The following ROBO1 variants were observed in gnomAD, a reference collection of about 807,000 sequenced individuals.
The protein encoded by ROBO1 is roundabout homolog 1.
A neutral mutation model predicts 195.9 loss-of-function variants in ROBO1; 149 were observed. That is an observed-to-expected ratio of 0.76 (90% CI 0.67 to 0.87). The LOEUF (loss-of-function observed/expected upper bound fraction) is 0.87. ROBO1 is among the 40% of genes least tolerant of loss of function. The probability of loss-of-function intolerance (pLI) is 0.00; values close to 1 mark genes in which losing one functional copy is unlikely to be tolerated. For synonymous variants in ROBO1, 816 were observed against 733.2 expected, an observed-to-expected ratio of 1.11 and a Z score of -1.82; for missense variants, 1,933 against 2,068.3, an observed-to-expected ratio of 0.93 and a Z score of 1.27.
chr3:78,995,168 T>C (rs950585074), intron 3 of ROBO1, among the ~76,000 whole-genome samples: 2 of 152,198 alleles, frequency 1.3e-5, no homozygotes, highest in Non-Finnish European at 2.9e-5. Context: ...GGGTAACTGA[T>C]GATATTCTTT....
At chr3:78,992,106 G>C (rs2077252092) in intron 3 of ROBO1, among the ~76,000 whole-genome samples, 1 of 152,124 alleles carries the variant, frequency 6.6e-6, no homozygotes, top group Admixed American at 6.6e-5. Flanking sequence ...GAATGCTCCA[G>C]GATAATAATT....
intron 3 of ROBO1, among the ~76,000 whole-genome samples, chr3:78,960,371 T>A (rs1380066681): frequency 2.0e-5 from 3 of 149,406 alleles, no homozygotes; most frequent in Non-Finnish European, 3.0e-5. Context: ...TATTAATATA[T>A]TATATAGCAA....
At chr3:78,704,733 T>C (rs561815272) in intron 8 of ROBO1, among the ~76,000 whole-genome samples, 2 of 150,610 alleles carry the variant, frequency 1.3e-5, no homozygotes, top group East Asian at 3.9e-4. Context: ...GTAGAGCTAC[T>C]TGGGAGGCTG....
At chr3:79,687,144 T>C (rs1009113814) in intron 1 of ROBO1, among the ~76,000 whole-genome samples, 3 of 152,174 alleles carry the variant, frequency 2.0e-5, no homozygotes, top group African/African-American at 4.8e-5. Flanking sequence ...TAAATGGTGC[T>C]GGGAAAACTG....
chr3:79,420,764 G>A (rs1387743085), intron 2 of ROBO1, among the ~76,000 whole-genome samples: 2 of 152,128 alleles, frequency 1.3e-5, no homozygotes, highest in Non-Finnish European at 2.9e-5. Context: ...AGAGAAAAGG[G>A]AATGCTTAGT....
At chr3:79,614,174 C>T (rs1944749885) in intron 1 of ROBO1, among the ~76,000 whole-genome samples, 1 of 152,050 alleles carries the variant, frequency 6.6e-6, no homozygotes, top group Non-Finnish European at 1.5e-5. Context: ...ATAGAACACT[C>T]TAGCAAACAG....
At chr3:78,614,298 T>C (rs1221730696) in intron 28 of ROBO1, among the ~76,000 whole-genome samples, 1 of 152,230 alleles carries the variant, frequency 6.6e-6, no homozygotes. Flanking sequence ...GAAGACACTT[T>C]GGAGGATTTA....
At chr3:78,908,503 A>T (rs1375180375) in intron 4 of ROBO1, among the ~76,000 whole-genome samples, 1 of 151,940 alleles carries the variant, frequency 6.6e-6, no homozygotes, top group Non-Finnish European at 1.5e-5. Flanking sequence ...TTTAAAATGA[A>T]TATATTAAAA....
intron 5 of ROBO1, among the ~76,000 whole-genome samples, chr3:78,721,113 T>C (rs927355329): frequency 6.6e-6 from 1 of 151,924 alleles, no homozygotes; most frequent in Non-Finnish European, 1.5e-5. Context: ...AAAAAAGATA[T>C]GTGTCTTTGG....
chr3:78,718,104 C>T (rs1472733412), intron 5 of ROBO1, among the ~76,000 whole-genome samples: 1 of 152,180 alleles, frequency 6.6e-6, no homozygotes, highest in Non-Finnish European at 1.5e-5. Flanking sequence ...TCCTTACTTA[C>T]ATTTCATGTA....
chr3:79,292,768 T>A (rs779730381), intron 2 of ROBO1, among the ~76,000 whole-genome samples: 4 of 152,226 alleles, frequency 2.6e-5, no homozygotes, highest in Admixed American at 6.5e-5. Flanking sequence ...TGCTGCTGGA[T>A]TCGGTTTGCC....
chr3:78,787,716 G>A (rs1402885531), intron 4 of ROBO1, among the ~76,000 whole-genome samples: 1 of 152,044 alleles, frequency 6.6e-6, no homozygotes, highest in Non-Finnish European at 1.5e-5. Context: ...ACCAAGGCAG[G>A]GGGATCACTT....
At chr3:79,507,035 A>G (rs114048702) in intron 2 of ROBO1, among the ~76,000 whole-genome samples, 2 of 152,304 alleles carry the variant, frequency 1.3e-5, no homozygotes, top group African/African-American at 2.4e-5. Context: ...TGCCCAATCA[A>G]TCAACATACA....
Position 78,686,554 on chromosome 3 carries a change from C to CA in ROBO1, c.1171-638dup, listed in dbSNP as rs11356574. 3.9e-3 allele frequency among the ~76,000 whole-genome samples: 521 copies of CA among 132,214 alleles called. 4 individuals are homozygous for CA. The highest frequency in any genetic ancestry group is 0.023 in the Middle Eastern group (6 of 260). The allele number at this position is 132,214 out of a possible 152,430, so 86.7% of individuals were successfully genotyped here. ...TGGGTGACAGAGCGAGACTTTGTCT[C>CA]AAAAAAAAAAAAAAAAATTAACTAT... On this transcript the variant is annotated intron_variant, in intron 9 of 30. Transcript: ENST00000464233.
intron 2 of ROBO1, among the ~76,000 whole-genome samples, chr3:79,361,931 G>A (rs2035784011): frequency 6.6e-6 from 1 of 151,984 alleles, no homozygotes; most frequent in South Asian, 2.1e-4. Flanking sequence ...AGTTTTCCAA[G>A]GTAGTAGCGT....
At chr3:78,620,017 CAAAA>C (rs11314248) in intron 26 of ROBO1, among the ~76,000 whole-genome samples, 5 of 107,800 alleles carry the variant, frequency 4.6e-5, no homozygotes, top group African/African-American at 1.2e-4. Context: ...GACTCTGTCT[CAAAA>C]AAAAAAAAAA....
chr3:79,239,634 G>A (rs1398517635), intron 2 of ROBO1, among the ~76,000 whole-genome samples: 1 of 152,150 alleles, frequency 6.6e-6, no homozygotes, highest in Non-Finnish European at 1.5e-5. Context: ...TGATGGGAGA[G>A]GACGGGGCAC....
Position 79,687,856 on chromosome 3 carries a change from C to T in ROBO1, c.-51+79896G>A, listed in dbSNP as rs146099343. Among the ~76,000 whole-genome samples the T allele has an allele frequency of 3.2e-3, 481 of 152,242 alleles. 2 individuals are homozygous for T. Among genetic ancestry groups the T allele is most frequent in the Admixed American group, 5.2e-3 (79 of 15,280 alleles). On this transcript the variant is annotated intron_variant, in intron 1 of 30. Transcript: ENST00000464233. ...AACTGGAAATACAATTTGACCCAGC[C>T]ATCCCATTACTGGGTATATACCGAA...
chr3:78,918,056 T>G (rs2038725175), intron 4 of ROBO1, among the ~76,000 whole-genome samples: 1 of 152,186 alleles, frequency 6.6e-6, no homozygotes, highest in Admixed American at 6.5e-5. Flanking sequence ...CAGTACATAT[T>G]AACTGACGCT....
Sources: allele counts gnomAD v4.1 joint callset (sites outside exome capture counted in the v4.1 genomes callset), GRCh38; gene constraint gnomAD v4.1.1; transcripts MANE v1.5; gene names NCBI Gene and HGNC (gene_info 2026-07-23, HGNC 2026-07-21).